Variants in PCDHGB2 observed in about 807,000 individuals in gnomAD.
The protein encoded by PCDHGB2 is protocadherin gamma subfamily B, 2.
PCDHGB2 carries 55 observed loss-of-function variants against 59.3 expected under a neutral mutation model. The observed-to-expected ratio is 0.93, with a 90% CI of 0.75 to 1.16. The LOEUF (loss-of-function observed/expected upper bound fraction) is 1.16, where lower values mean the gene tolerates loss of function less well. Ranked by LOEUF, PCDHGB2 falls within the 50% of genes most tolerant of loss-of-function variation. PCDHGB2 has a pLI of 0.00. For missense variants in PCDHGB2, 1,228 were observed against 1,198.5 expected, an observed-to-expected ratio of 1.02 and a Z score of -0.36; for synonymous variants, 516 against 512.0, an observed-to-expected ratio of 1.01 and a Z score of -0.11.
chr5:141,383,162 G>T (rs1778883191), intron 1 of PCDHGB2: 1 of 1,614,006 alleles, frequency 6.2e-7, no homozygotes, highest in Non-Finnish European at 8.5e-7. Context: ...GTCACTGCGG[G>T]CAGGATAGAC....
At chr5:141,470,508 G>A (rs947583701) in intron 1 of PCDHGB2, among the ~76,000 whole-genome samples, 10 of 152,176 alleles carry the variant, frequency 6.6e-5, no homozygotes, top group African/African-American at 2.4e-4. Flanking sequence ...TAATTAGACA[G>A]TTAGCTAATA....
chr5:141,370,773 AACG>A, intron 1 of PCDHGB2: 2 of 1,614,002 alleles, frequency 1.2e-6, no homozygotes, highest in Non-Finnish European at 1.7e-6. Flanking sequence ...CCAGGATATT[AACG>A]ACAACCCACC....
intron 2 of PCDHGB2, among the ~76,000 whole-genome samples, chr5:141,499,445 C>A (rs904360147): frequency 1.3e-5 from 2 of 152,062 alleles, no homozygotes; most frequent in African/African-American, 4.8e-5. Flanking sequence ...AAAGGAAAAC[C>A]ACCCATCATT....
intron 3 of PCDHGB2, chr5:141,507,313 T>TAC (rs1554192306): frequency 6.7e-6 from 1 of 150,168 alleles, no homozygotes. Context: ...CATAATGTAC[T>TAC]AAAAAAAAAA....
At position 141,490,852 on chromosome 5, in the gene PCDHGB2, G is replaced by A. The variant is rs759198428; in HGVS notation, c.2422-3955G>A. 2 of 1,613,896 alleles carry A rather than the reference G, an allele frequency of 1.2e-6. No individual in the cohort carries two copies. Among genetic ancestry groups the A allele is most frequent in the Non-Finnish European group, 1.7e-6 (2 of 1,179,928 alleles). ...GCTGCAGATTGTGGTGGGGGTTCGA[G>A]ACTCCGGCTCTCCCCCATTGCATGC... On this transcript the variant is annotated intron_variant, in intron 1 of 3. Transcript: ENST00000522605. The surrounding 1 kb of genome is among the most constrained non-coding windows in gnomAD (Gnocchi z 5.4).
chr5:141,364,176 C>G, intron 1 of PCDHGB2: 1 of 835,076 alleles, frequency 1.2e-6, no homozygotes, highest in Non-Finnish European at 1.7e-6. Flanking sequence ...CGACTCTGCT[C>G]CCTCCATACT....
chr5:141,427,915 T>C lies in PCDHGB2; in HGVS notation c.2421+65359T>C, dbSNP rs779333176. ...GGCTCGCCCGCGCTCAGCGCCAACATGAGCCGGCGCATGTTGGTGGGCGAC... is the reference window on the plus strand; with the variant it reads ...GGCTCGCCCGCGCTCAGCGCCAACACGAGCCGGCGCATGTTGGTGGGCGAC... On this transcript the variant is annotated intron_variant, in intron 1 of 3. Transcript: ENST00000522605. The C allele has an allele frequency of 7.0e-6, 11 of 1,578,094 alleles. No individual in the cohort carries two copies. In the Admixed American group the frequency reaches 8.4e-5, roughly 12 times the overall value.
chr5:141,478,092 C>T (rs2099429960), intron 1 of PCDHGB2: 1 of 1,614,156 alleles, frequency 6.2e-7, no homozygotes, highest in Non-Finnish European at 8.5e-7. Flanking sequence ...CTCTCCACCA[C>T]TGCTACCCTC....
chr5:141,427,829 G>C, intron 1 of PCDHGB2: 1 of 1,538,520 alleles, frequency 6.5e-7, no homozygotes. Flanking sequence ...TGGTCGCGCA[G>C]CGTGCCTTCG....
In PCDHGB2 at chr5:141,489,353, A is replaced by G. The variant is rs1423278514; in HGVS notation, c.2422-5454A>G. 3.7e-6 allele frequency: 6 copies of G among 1,612,316 alleles called. No homozygotes were observed. In the African/African-American group the frequency reaches 6.7e-5, roughly 18 times the overall value. ...CAGCTTCGTTACTCAGTGGTGGAGG[A>G]GTCTGAGCCGGGGACGCTGGTGGGG... On this transcript the variant is annotated intron_variant, in intron 1 of 3. Transcript: ENST00000522605. This position sits in a 1 kb window ranked among gnomAD's most constrained non-coding sequence, Gnocchi z 4.5.
intron 1 of PCDHGB2, chr5:141,403,303 C>T (rs1561687273): frequency 1.9e-6 from 3 of 1,613,820 alleles, no homozygotes; most frequent in South Asian, 2.2e-5. Flanking sequence ...TGAAACTGTA[C>T]GGAATAGAAA....
intron 1 of PCDHGB2, chr5:141,403,095 T>A (rs754367041): frequency 6.2e-7 from 1 of 1,614,026 alleles, no homozygotes; most frequent in East Asian, 2.2e-5. Flanking sequence ...GTGGGCAACA[T>A]CTCCAAGGAC....
At chr5:141,500,360 T>C (rs1224064939) in intron 2 of PCDHGB2, among the ~76,000 whole-genome samples, 1 of 151,664 alleles carries the variant, frequency 6.6e-6, no homozygotes, top group Non-Finnish European at 1.5e-5. Context: ...AGGCGCCCAC[T>C]ACCACGCCCG....
At position 141,384,752 on chromosome 5, in the gene PCDHGB2, C is replaced by T. The variant is rs974144646; in HGVS notation, c.2421+22196C>T. 6.2e-6 allele frequency: 10 copies of T among 1,613,906 alleles called. No individual in the cohort carries two copies. The African/African-American group carries it at 6.7e-5, about 11-fold the overall frequency. ...AAGGCCAGCGAGCCAGGACTCTTTG[C>T]GGTTGGGCTGTACACGGGCGAGGTG... On this transcript the variant is annotated intron_variant, in intron 1 of 3. Coordinates refer to ENST00000522605, the MANE Select transcript of PCDHGB2 (RefSeq NM_018923.3).
chr5:141,447,226 G>A (rs746777844), intron 1 of PCDHGB2, among the ~76,000 whole-genome samples: 1 of 151,910 alleles, frequency 6.6e-6, no homozygotes, highest in Non-Finnish European at 1.5e-5. Context: ...TGCAACCTCC[G>A]CCTCCCGGGT....
intron 1 of PCDHGB2, among the ~76,000 whole-genome samples, chr5:141,397,819 A>G (rs1159682049): frequency 6.6e-6 from 1 of 152,240 alleles, no homozygotes; most frequent in African/African-American, 2.4e-5. Flanking sequence ...AAAAACAATT[A>G]CTGCACTGGT....
At chr5:141,418,563 C>T in intron 1 of PCDHGB2, 2 of 1,613,998 alleles carry the variant, frequency 1.2e-6, no homozygotes, top group Non-Finnish European at 1.7e-6. Context: ...GTAATAGATG[C>T]CAATGACAAC....
At chr5:141,381,826 C>CTTT (rs770630741) in intron 1 of PCDHGB2, among the ~76,000 whole-genome samples, 5,488 of 73,990 alleles carry the variant, frequency 0.074, 263 homozygotes, top group Admixed American at 0.16. Context: ...CTTTCTTCTT[C>CTTT]TTTTTTTTTT....
At chr5:141,417,340 C>T (rs981474163) in intron 1 of PCDHGB2, 2 of 152,874 alleles carry the variant, frequency 1.3e-5, no homozygotes, top group African/African-American at 4.8e-5. Context: ...GATAGGAGAC[C>T]TATAAACCTT....
Sources: gnomAD v4.1 joint callset for allele counts (sites outside exome capture counted in the v4.1 genomes callset) on GRCh38, gnomAD v4.1.1 for gene constraint, Gnocchi (gnomAD v3.1) non-coding constraint, MANE v1.5 for transcripts, NCBI Gene and HGNC (gene_info 2026-07-23, HGNC 2026-07-21) for gene names.